The following ZNF395 variants were observed in gnomAD, a reference collection of about 807,000 sequenced individuals.
The protein encoded by ZNF395 is zinc finger protein 395, also known as HD gene regulatory region-binding protein 2.
A neutral mutation model predicts 57.7 loss-of-function variants in ZNF395; 20 were observed. The ratio of observed to expected loss-of-function variants is 0.35; its 90% confidence interval spans 0.24 to 0.50. The LOEUF is 0.50. ZNF395 is among the 20% of genes least tolerant of loss of function. The probability of loss-of-function intolerance (pLI) is 0.97; values close to 1 mark genes in which losing one functional copy is unlikely to be tolerated. For synonymous variants in ZNF395, 295 were observed against 275.9 expected, an observed-to-expected ratio of 1.07 and a Z score of -0.69; for missense variants, 606 against 671.2, an observed-to-expected ratio of 0.90 and a Z score of 1.07.
chr8:28,369,561 G>A (rs892920207), intron 1 of ZNF395, among the ~76,000 whole-genome samples: 1 of 152,198 alleles, frequency 6.6e-6, no homozygotes, highest in Non-Finnish European at 1.5e-5. Context: ...GCCAGTGACC[G>A]ACCCCTGCCC....
At chr8:28,386,199 G>A (rs1478864981) in intron 1 of ZNF395, 194 bp downstream of exon 1, 3 of 149,982 alleles carry the variant, frequency 2.0e-5, no homozygotes, top group Admixed American at 6.6e-5. Context: ...CTCCTCCCCG[G>A]GACACTGCGC....
At chr8:28,378,470 G>C (rs1431060251) in intron 1 of ZNF395, among the ~76,000 whole-genome samples, 1 of 152,070 alleles carries the variant, frequency 6.6e-6, no homozygotes, top group Non-Finnish European at 1.5e-5. Flanking sequence ...TGAATTCCTG[G>C]GCTCAAGCAA....
intron 1 of ZNF395, among the ~76,000 whole-genome samples, chr8:28,381,195 C>A (rs1802105689): frequency 6.6e-6 from 1 of 152,178 alleles, no homozygotes; most frequent in Non-Finnish European, 1.5e-5. Flanking sequence ...GCGCCCACCA[C>A]CACGCCCGGC....
chr8:28,376,966 G>A (rs1224235752), intron 1 of ZNF395, among the ~76,000 whole-genome samples: 4 of 152,138 alleles, frequency 2.6e-5, no homozygotes, highest in South Asian at 2.1e-4. Flanking sequence ...ATCATGTGGA[G>A]ACAAAAATCA....
chr8:28,349,235 G>A lies in ZNF395; in HGVS notation c.1327-7C>T, dbSNP rs199975512. On this transcript the variant is annotated splice_region_variant and splice_polypyrimidine_tract_variant and intron_variant, in intron 8 of 9. Coordinates refer to ENST00000344423, the MANE Select transcript of ZNF395 (RefSeq NM_018660.3). ...TTAGCGACCGGCTCCGGACCTGGGC[G>A]TGGGGAGAGGGGCTGTGAGCACAGG... 3.7e-4 allele frequency: 560 copies of A among 1,529,960 alleles called. No individual in the cohort carries two copies. The highest frequency in any genetic ancestry group is 9.0e-4 in the East Asian group (39 of 43,300). The allele number at this position is 1,529,960 out of a possible 1,614,324, so 94.8% of individuals were successfully genotyped here. A position where few individuals can be genotyped will look rare whatever the true frequency, so the allele number is the denominator to read the frequency against.
chr8:28,360,555 C>T (rs991242558), intron 2 of ZNF395, among the ~76,000 whole-genome samples: 2 of 152,252 alleles, frequency 1.3e-5, no homozygotes, highest in Admixed American at 1.3e-4. Context: ...GAGATGCCTT[C>T]CTTTGCTAAA....
At chr8:28,373,316 C>T (rs1273638555) in intron 1 of ZNF395, among the ~76,000 whole-genome samples, 1 of 152,200 alleles carries the variant, frequency 6.6e-6, no homozygotes, top group Non-Finnish European at 1.5e-5. Context: ...TGGGTTTGAT[C>T]TGATAGGATT....
chr8:28,351,096 T>C (rs1299941610), intron 7 of ZNF395, among the ~76,000 whole-genome samples: 1 of 152,216 alleles, frequency 6.6e-6, no homozygotes, highest in Non-Finnish European at 1.5e-5. Context: ...AGTCCAATTC[T>C]TGGCCCGCAG....
intron 1 of ZNF395, among the ~76,000 whole-genome samples, chr8:28,379,038 C>G (rs1488848934): frequency 6.6e-6 from 1 of 152,204 alleles, no homozygotes; most frequent in Non-Finnish European, 1.5e-5. Context: ...TAGGAATCTG[C>G]AGCTACAGAG....
chr8:28,366,506 A>C (rs1801912403), intron 1 of ZNF395, among the ~76,000 whole-genome samples: 1 of 152,164 alleles, frequency 6.6e-6, no homozygotes, highest in African/African-American at 2.4e-5. Context: ...TAAATAAATA[A>C]ATAATCAAAG....
Position 28,356,624 on chromosome 8 carries a change from T to G in ZNF395, c.583+46A>C. ...TGCTCTGCACAGAGGATGTTTGTCGTGGGCCTCTACCATGCCCAGAACCCA... is the reference window on the plus strand; with the variant it reads ...TGCTCTGCACAGAGGATGTTTGTCGGGGGCCTCTACCATGCCCAGAACCCA... On this transcript the variant is annotated intron_variant, in intron 4 of 9. Coordinates refer to ENST00000344423, the MANE Select transcript of ZNF395 (RefSeq NM_018660.3). The surrounding 1 kb of genome is among the most constrained non-coding windows in gnomAD (Gnocchi z 4.0). 6.9e-7 allele frequency: 1 copy of G among 1,456,084 alleles called. No individual in the cohort carries two copies. Among genetic ancestry groups the G allele is most frequent in the Non-Finnish European group, 9.6e-7 (1 of 1,043,292 alleles). The allele number at this position is 1,456,084 out of a possible 1,614,324, so 90.2% of individuals were successfully genotyped here.
intron 1 of ZNF395, among the ~76,000 whole-genome samples, chr8:28,385,768 G>C (rs1030332017): frequency 6.7e-5 from 10 of 148,172 alleles, no homozygotes; most frequent in Admixed American, 5.4e-4. Flanking sequence ...GGCTCCGAGA[G>C]TGGGGGCGCC....
At chr8:28,386,127 C>A (rs1277450576) in intron 1 of ZNF395, 1 of 147,252 alleles carries the variant, frequency 6.8e-6, no homozygotes, top group Non-Finnish European at 1.5e-5. Flanking sequence ...GCGCGGCCCG[C>A]GGCCCGGCTC....
intron 1 of ZNF395, among the ~76,000 whole-genome samples, chr8:28,379,829 A>G (rs1463791141): frequency 7.1e-6 from 1 of 140,352 alleles, no homozygotes; most frequent in African/African-American, 3.3e-5. Flanking sequence ...GAAAAGACAA[A>G]TAATACAAAC....
chr8:28,360,107 T>G (rs950051096), intron 2 of ZNF395, among the ~76,000 whole-genome samples: 4 of 152,222 alleles, frequency 2.6e-5, no homozygotes, highest in Non-Finnish European at 5.9e-5. Flanking sequence ...TCTGTGCTCA[T>G]CATCCTGCCT....
At position 28,345,797 on chromosome 8, in the gene ZNF395, C is replaced by T. The variant is rs1391888083; in HGVS notation, c.*2922G>A. ...TTTTTGCCCCTGGTAAAAGTCAGAA[C>T]CTGGGATGACCAGAAAGTAACAGGA... On this transcript the variant is annotated 3_prime_UTR_variant, in exon 10 of 10. Transcript: ENST00000344423. The T allele has an allele frequency of 3.6e-5, 5 of 139,068 alleles. No individual in the cohort carries two copies. Among genetic ancestry groups the T allele is most frequent in the East Asian group, 2.1e-4 (1 of 4,690 alleles). The allele number at this position is 139,068 out of a possible 1,614,324, so 8.6% of individuals were successfully genotyped here. A position where few individuals can be genotyped will look rare whatever the true frequency, so the allele number is the denominator to read the frequency against.
chr8:28,360,413 A>G (rs898550767), intron 2 of ZNF395, among the ~76,000 whole-genome samples: 46 of 152,348 alleles, frequency 3.0e-4, no homozygotes, highest in African/African-American at 8.7e-4. Flanking sequence ...CATCAGACCC[A>G]GGGCCCTGGC....
chr8:28,378,100 A>C (rs1386826957), intron 1 of ZNF395, among the ~76,000 whole-genome samples: 3 of 151,952 alleles, frequency 2.0e-5, no homozygotes, highest in Non-Finnish European at 4.4e-5. Context: ...GTTGTTCATT[A>C]TTACTGGCCA....
chr8:28,370,380 AG>A (rs1801963021), intron 1 of ZNF395, among the ~76,000 whole-genome samples: 2 of 152,234 alleles, frequency 1.3e-5, no homozygotes, highest in South Asian at 4.1e-4. Flanking sequence ...CCACTAAGGA[AG>A]TGCCTTAAAC....
Sources: allele counts gnomAD v4.1 joint callset (sites outside exome capture counted in the v4.1 genomes callset), GRCh38; gene constraint gnomAD v4.1.1; non-coding constraint Gnocchi (gnomAD v3.1); transcripts MANE v1.5; gene names NCBI Gene and HGNC (gene_info 2026-07-23, HGNC 2026-07-21).